The following SH3BGRL variants were observed in gnomAD, a reference collection of about 807,000 sequenced individuals.
SH3BGRL encodes adapter SH3BGRL.
In SH3BGRL, 7 loss-of-function variants were observed where a neutral mutation model predicts 9.8. The observed-to-expected ratio is 0.72, with a 90% confidence interval of 0.41 to 1.35. SH3BGRL has a LOEUF of 1.35. SH3BGRL is among the 40% of genes most tolerant of loss of function. SH3BGRL has a pLI of 0.01. For synonymous variants in SH3BGRL, 36 were observed against 29.1 expected, an observed-to-expected ratio of 1.24 and a Z score of -0.76; for missense variants, 73 against 84.4, an observed-to-expected ratio of 0.86 and a Z score of 0.53.
intron 1 of SH3BGRL, among the ~76,000 whole-genome samples, chrX:81,258,157 T>A (rs1405684225): frequency 1.8e-5 from 2 of 111,839 alleles, no homozygotes; most frequent in African/African-American, 3.3e-5. Flanking sequence ...AATTTTGATA[T>A]CATTAACATT....
chrX:81,240,678 A>G (rs1352335036), intron 1 of SH3BGRL, among the ~76,000 whole-genome samples: 3 of 112,877 alleles, frequency 2.7e-5, no homozygotes, highest in African/African-American at 9.7e-5. Context: ...CTTCACAAAC[A>G]TAGAAACAAC....
chrX:81,291,430 C>A (rs1277362117), intron 3 of SH3BGRL, among the ~76,000 whole-genome samples: 4 of 110,919 alleles, frequency 3.6e-5, no homozygotes, highest in Non-Finnish European at 7.6e-5. Flanking sequence ...TGGTGCTAAA[C>A]CATTAGAAAC....
At chrX:81,208,499 A>T (rs1162165964) in intron 1 of SH3BGRL, among the ~76,000 whole-genome samples, 1 of 112,099 alleles carries the variant, frequency 8.9e-6, no homozygotes, top group African/African-American at 3.2e-5. Context: ...TTACAAAAAC[A>T]TTTCCTGCTT....
At chrX:81,238,425 A>G (rs1224887225) in intron 1 of SH3BGRL, among the ~76,000 whole-genome samples, 2 of 112,424 alleles carry the variant, frequency 1.8e-5, no homozygotes, top group African/African-American at 6.5e-5. Flanking sequence ...AAGTGGAGTG[A>G]ACAGTAGAAA....
intron 1 of SH3BGRL, among the ~76,000 whole-genome samples, chrX:81,233,166 C>A (rs1484573891): frequency 8.9e-6 from 1 of 111,810 alleles, no homozygotes; most frequent in African/African-American, 3.2e-5. Flanking sequence ...CAAATAATAA[C>A]AAGAAGCTGT....
At chrX:81,242,799 C>T (rs2075675101) in intron 1 of SH3BGRL, among the ~76,000 whole-genome samples, 2 of 111,947 alleles carry the variant, frequency 1.8e-5, no homozygotes, top group South Asian at 7.4e-4. Flanking sequence ...CTCAACATCA[C>T]TGATCACCAG....
chrX:81,210,526 A>G (rs1383340433), intron 1 of SH3BGRL, among the ~76,000 whole-genome samples: 4 of 111,592 alleles, frequency 3.6e-5, no homozygotes, highest in African/African-American at 1.3e-4. Flanking sequence ...TAAGAACTTT[A>G]CATGTATTGT....
At chrX:81,275,357 C>T (rs779840889) in intron 1 of SH3BGRL, among the ~76,000 whole-genome samples, 3 of 111,420 alleles carry the variant, frequency 2.7e-5, no homozygotes, top group African/African-American at 9.8e-5. Context: ...CTTCAGCCTC[C>T]CAAAATGCTG....
chrX:81,259,230 G>T (rs891512779), intron 1 of SH3BGRL, among the ~76,000 whole-genome samples: 1 of 111,819 alleles, frequency 8.9e-6, no homozygotes, highest in Non-Finnish European at 1.9e-5. Context: ...GCTGCCTGGA[G>T]GATCTGTCTG....
At chrX:81,255,904 T>C (rs1187613154) in intron 1 of SH3BGRL, among the ~76,000 whole-genome samples, 1 of 112,371 alleles carries the variant, frequency 8.9e-6, no homozygotes, top group Non-Finnish European at 1.9e-5. Context: ...TAGCTTTTTT[T>C]CCCATTGGAA....
At chrX:81,288,974 C>A (rs1024544021) in intron 3 of SH3BGRL, among the ~76,000 whole-genome samples, 9 of 111,763 alleles carry the variant, frequency 8.1e-5, no homozygotes, top group Non-Finnish European at 1.7e-4. Flanking sequence ...CCATAGCTAT[C>A]CTAAGTGTAA....
At position 81,202,140 on chromosome X, in the gene SH3BGRL, T is replaced by C. The variant is rs890577554; in HGVS notation, c.-61T>C. 5.4e-6 allele frequency: 6 copies of C among 1,115,616 alleles called. No individual in the cohort carries two copies. The highest frequency in any genetic ancestry group is 7.4e-6 in the Non-Finnish European group (6 of 814,180). 91.9% of individuals were successfully genotyped at this position (1,115,616 alleles called of 1,213,427 possible). A position where few individuals can be genotyped will look rare whatever the true frequency, so the allele number is the denominator to read the frequency against. ...TCAGCCCCTAGCTGGATTCCAGCCA[T>C]TGCTGCAGCTGCTCCACAGCCCTTT... On this transcript the variant is annotated 5_prime_UTR_variant, in exon 1 of 4. Transcript: ENST00000373212.
At chrX:81,236,260 C>A (rs1053246192) in intron 1 of SH3BGRL, among the ~76,000 whole-genome samples, 2 of 111,527 alleles carry the variant, frequency 1.8e-5, no homozygotes, top group African/African-American at 6.5e-5. Flanking sequence ...GCATTTTAAG[C>A]AGAATCTCAA....
At chrX:81,292,595 C>A (rs970592993) in intron 3 of SH3BGRL, among the ~76,000 whole-genome samples, 7 of 112,737 alleles carry the variant, frequency 6.2e-5, no homozygotes, top group Non-Finnish European at 1.3e-4. Context: ...ATGCAAATTT[C>A]TGCAGTCAGC....
At chrX:81,242,150 C>T (rs181474456) in intron 1 of SH3BGRL, among the ~76,000 whole-genome samples, 3 of 112,274 alleles carry the variant, frequency 2.7e-5, no homozygotes, top group East Asian at 5.6e-4. Flanking sequence ...CCCCAAGAAT[C>T]CCATGACAAA....
chrX:81,258,301 A>G (rs1224662604), intron 1 of SH3BGRL, among the ~76,000 whole-genome samples: 4 of 111,813 alleles, frequency 3.6e-5, no homozygotes, highest in African/African-American at 1.3e-4. Context: ...TCAATCTTCC[A>G]CTGCTGAAAA....
At position 81,281,078 on chromosome X, in the gene SH3BGRL, A is replaced by T. The variant is rs757676758; in HGVS notation, c.312+2667A>T. ...GAACAAGTAGAAGAAAGAAATTAAG[A>T]GCTCAAAGACAAGGTCTTTGAATTA... On this transcript the variant is annotated intron_variant, in intron 3 of 3. Transcript: ENST00000373212. 2.7e-5 allele frequency among the ~76,000 whole-genome samples: 3 copies of T among 111,154 alleles called. No homozygotes were observed. The South Asian group carries it at 1.2e-3, about 43-fold the overall frequency.
chrX:81,281,195 G>T (rs1332040319), intron 3 of SH3BGRL, among the ~76,000 whole-genome samples: 1 of 110,853 alleles, frequency 9.0e-6, no homozygotes, highest in African/African-American at 3.3e-5. Flanking sequence ...CCAAACCTAA[G>T]AATAATTGGA....
chrX:81,293,110 T>G (rs2075863480), intron 3 of SH3BGRL, among the ~76,000 whole-genome samples: 1 of 111,716 alleles, frequency 9.0e-6, no homozygotes, highest in African/African-American at 3.3e-5. Context: ...GTTTCCCCCA[T>G]ACTGTTCTAG....
Sources: allele counts gnomAD v4.1 joint callset (sites outside exome capture counted in the v4.1 genomes callset), GRCh38; gene constraint gnomAD v4.1.1; transcripts MANE v1.5; gene names NCBI Gene and HGNC (gene_info 2026-07-23, HGNC 2026-07-21).